Variants in PLBD1 observed in about 807,000 individuals in gnomAD.
PLBD1 encodes the protein lysosomal leucine aminopeptidase.
In PLBD1, 60 loss-of-function variants were observed where a neutral mutation model predicts 63.0. That is an observed-to-expected ratio of 0.95 (90% CI 0.77 to 1.18). PLBD1 has a LOEUF of 1.18. Ranked by LOEUF, PLBD1 falls within the 50% of genes most tolerant of loss-of-function variation. The pLI, the probability that PLBD1 is intolerant of heterozygous loss-of-function variation, is 0.00. For synonymous variants in PLBD1, 262 were observed against 248.0 expected, an observed-to-expected ratio of 1.06 and a Z score of -0.53; for missense variants, 598 against 677.9, an observed-to-expected ratio of 0.88 and a Z score of 1.31.
At chr12:14,526,608 G>A (rs750569508) in intron 6 of PLBD1, among the ~76,000 whole-genome samples, 2 of 152,098 alleles carry the variant, frequency 1.3e-5, no homozygotes, top group Admixed American at 6.5e-5. Flanking sequence ...TGGTAATAGC[G>A]ACTTTTGCTT....
At chr12:14,546,055 C>G (rs1945613945) in intron 2 of PLBD1, among the ~76,000 whole-genome samples, 1 of 152,142 alleles carries the variant, frequency 6.6e-6, no homozygotes. Context: ...AGCACGGTGG[C>G]TCACACCCGT....
chr12:14,542,188 A>G lies in PLBD1; in HGVS notation c.419+20T>C. ...CTCCAACATTTAAAACAATGAAAAG[A>G]GAAAAGCTATTATACGTACTCCATA... is the stretch of plus-strand genomic sequence containing the variant. On this transcript the variant is annotated intron_variant, in intron 3 of 10. Coordinates refer to ENST00000240617, the MANE Select transcript of PLBD1 (RefSeq NM_024829.6). 1.3e-6 allele frequency: 2 copies of G among 1,562,962 alleles called. No homozygotes were observed. Among genetic ancestry groups the G allele is most frequent in the Non-Finnish European group, 1.8e-6 (2 of 1,135,386 alleles).
At chr12:14,539,885 TACACATATATATACACACATATATAC>T (rs996498043) in intron 4 of PLBD1, among the ~76,000 whole-genome samples, 11 of 149,804 alleles carry the variant, frequency 7.3e-5, no homozygotes, top group Non-Finnish European at 1.3e-4. Flanking sequence ...TATGTGTATA[TACACATATATATACACACATATATAC>T]ACAGACATGT....
At chr12:14,516,044 A>T (rs754733741) in intron 6 of PLBD1, among the ~76,000 whole-genome samples, 17 of 151,844 alleles carry the variant, frequency 1.1e-4, no homozygotes, top group South Asian at 4.2e-4. Context: ...CTCAAAAAAA[A>T]ACAAGGCCGG....
Position 14,539,523 on chromosome 12 carries a change from T to C in PLBD1, c.558+1241A>G, listed in dbSNP as rs142386160. Among the ~76,000 whole-genome samples the C allele has an allele frequency of 7.5e-3, 1,140 of 152,120 alleles. 25 individuals carry two copies. Among genetic ancestry groups the C allele is most frequent in the African/African-American group, 0.026 (1,097 of 41,518 alleles). On this transcript the variant is annotated intron_variant, in intron 4 of 10. Coordinates refer to ENST00000240617, the MANE Select transcript of PLBD1 (RefSeq NM_024829.6). ...TGTGTGGGCTGGGTGCAATGGCTCA[T>C]ACCTGTAATCCCAGCACTTTGGGAG...
intron 5 of PLBD1, among the ~76,000 whole-genome samples, 193 bp downstream of exon 5, chr12:14,536,377 G>A (rs1243674619): frequency 6.6e-6 from 1 of 152,162 alleles, no homozygotes; most frequent in Non-Finnish European, 1.5e-5. Context: ...AATGGTGGAA[G>A]AACAGATGTA....
Position 14,506,189 on chromosome 12 carries a change from T to A in PLBD1, c.1452A>T (p.Pro484=). 6.2e-7 allele frequency: 1 copy of A among 1,611,116 alleles called. No homozygotes were observed. Among genetic ancestry groups the A allele is most frequent in the Non-Finnish European group, 8.5e-7 (1 of 1,178,072 alleles). The change falls in exon 10 of 11, where the codon CCA becomes CCT. Residue 484 remains proline, a synonymous_variant. Transcript: ENST00000240617. ...TTGTGTCATAACAACCTCCAGGACT[T>A]GGGTTAGGTGAGTTCAGGTCCTCAC... ...CCREDLNSPN[P]SPGGCYDTKV...
chr12:14,565,756 G>C lies in PLBD1; in HGVS notation c.115+1826C>G, dbSNP rs151141087. 6.7e-3 allele frequency among the ~76,000 whole-genome samples: 1,027 copies of C among 152,242 alleles called. 14 individuals carry two copies. The highest frequency in any genetic ancestry group is 6.8e-3 in the Middle Eastern group (2 of 294). ...AAGGGAAAACAGATTAATGTGGGTA[G>C]GACAAAGGAAACAGAGATCTCATCT... On this transcript the variant is annotated intron_variant, in intron 1 of 10. Coordinates refer to ENST00000240617, the MANE Select transcript of PLBD1 (RefSeq NM_024829.6).
At chr12:14,540,926 CCA>C (rs1315245646) in intron 3 of PLBD1, 24 bp from the exon 4 acceptor site, 6 of 1,576,432 alleles carry the variant, frequency 3.8e-6, no homozygotes, top group Non-Finnish European at 5.2e-6. Context: ...TAGATTTGCA[CCA>C]CAGTCTCAAT....
Position 14,553,275 on chromosome 12 carries a change from TG to T in PLBD1, c.252del (p.Arg85GlufsTer9), listed in dbSNP as rs777906184. 1.9e-6 allele frequency: 3 copies of T among 1,614,222 alleles called. No homozygotes were observed. In the South Asian group the frequency reaches 3.3e-5, roughly 18 times the overall value. Reference sequence around the variant, plus strand: ...AGGGTTTGAGAGCCATAGCCAGCTCTGATCTCCAGGATGCCCCAGCCTGTGG... The same window carrying T: ...AGGGTTTGAGAGCCATAGCCAGCTCTATCTCCAGGATGCCCCAGCCTGTGG... ...VKTTGWGILEIRAGYGSQTLS... is the reference protein window; with the variant it reads ...VKTTGWGILEXRAGYGSQTLS... On this transcript the variant is annotated frameshift_variant, in exon 2 of 11. Coordinates refer to ENST00000240617, the MANE Select transcript of PLBD1 (RefSeq NM_024829.6). LOFTEE classifies it high-confidence loss of function.
chr12:14,511,690 T>C lies in PLBD1; in HGVS notation c.866A>G (p.Asp289Gly). 6.2e-7 allele frequency: 1 copy of C among 1,614,118 alleles called. No homozygotes were observed. The highest frequency in any genetic ancestry group is 8.5e-7 in the Non-Finnish European group (1 of 1,180,014). ...CAATCCACTGCTAAGAATGTAAAAA[T>C]CATCCAGAGACTCCAAAAACCCTAC... ...SYPGFLESLD[D>G]FYILSSGLIL... is the part of the protein sequence containing the mutation. Residue 289 changes from aspartate to glycine, a missense_variant, in exon 7 of 11, where the codon GAT (aspartate) becomes GGT (glycine). Physicochemically the swap from Asp to Gly is moderately conservative, Grantham distance 94. Coordinates refer to ENST00000240617, the MANE Select transcript of PLBD1 (RefSeq NM_024829.6).
At chr12:14,556,404 C>T (rs1385503570) in intron 1 of PLBD1, among the ~76,000 whole-genome samples, 2 of 151,160 alleles carry the variant, frequency 1.3e-5, no homozygotes, top group African/African-American at 2.5e-5. Flanking sequence ...GAGTTTCCCT[C>T]TGTCATCCAG....
At position 14,516,157 on chromosome 12, in the gene PLBD1, C is replaced by T. The variant is rs371239971; in HGVS notation, c.845-4446G>A. Among the ~76,000 whole-genome samples the T allele has an allele frequency of 1.3e-4, 19 of 151,854 alleles. No individual in the cohort carries two copies. The East Asian group carries it at 2.1e-3, about 17-fold the overall frequency. On this transcript the variant is annotated intron_variant, in intron 6 of 10. Coordinates refer to ENST00000240617, the MANE Select transcript of PLBD1 (RefSeq NM_024829.6). ...CAGCCTGACCAACATGGTGAAACCC[C>T]GTCTCTACTAAAAATACAAAAATTA...
chr12:14,538,839 A>G (rs960401542), intron 4 of PLBD1, among the ~76,000 whole-genome samples: 1 of 152,110 alleles, frequency 6.6e-6, no homozygotes, highest in African/African-American at 2.4e-5. Context: ...CAGCCTGGCT[A>G]ACACGGTGAA....
chr12:14,520,068 G>A (rs553303547), intron 6 of PLBD1, among the ~76,000 whole-genome samples: 13 of 152,302 alleles, frequency 8.5e-5, no homozygotes, highest in African/African-American at 2.9e-4. Flanking sequence ...GGAGCCCAGG[G>A]TAAAAACAGA....
chr12:14,539,975 G>A (rs1405353001), intron 4 of PLBD1, among the ~76,000 whole-genome samples: 6 of 122,116 alleles, frequency 4.9e-5, no homozygotes, highest in Non-Finnish European at 6.7e-5. Context: ...TACAAATACT[G>A]GACAAAATAG....
At chr12:14,510,323 G>C (rs1945287318) in intron 8 of PLBD1, among the ~76,000 whole-genome samples, 1 of 151,688 alleles carries the variant, frequency 6.6e-6, no homozygotes. Flanking sequence ...GAACCCGAAA[G>C]GCAGAGGTTG....
chr12:14,506,524 G>A (rs1461088298), intron 9 of PLBD1, among the ~76,000 whole-genome samples: 4 of 152,134 alleles, frequency 2.6e-5, no homozygotes, highest in South Asian at 2.1e-4. Context: ...CCAGATAAAC[G>A]TCCATCAGCT....
At chr12:14,545,841 T>G (rs1945612124) in intron 2 of PLBD1, among the ~76,000 whole-genome samples, 1 of 152,174 alleles carries the variant, frequency 6.6e-6, no homozygotes, top group African/African-American at 2.4e-5. Context: ...CCTGTGTATA[T>G]ATATTAAATT....
Sources: gnomAD v4.1 joint callset for allele counts (sites outside exome capture counted in the v4.1 genomes callset) on GRCh38, gnomAD v4.1.1 for gene constraint, MANE v1.5 for transcripts, NCBI Gene and HGNC (gene_info 2026-07-23, HGNC 2026-07-21) for gene names.